FMO2: variants seen among roughly 807,000 people sequenced by gnomAD.
FMO2 encodes the protein flavin-containing monooxygenase 2.
FMO2 carries 33 observed loss-of-function variants against 41.6 expected under a neutral mutation model. That is an observed-to-expected ratio of 0.79 (90% CI 0.60 to 1.06). The LOEUF (loss-of-function observed/expected upper bound fraction) is 1.06. Among genes scored for constraint, FMO2 ranks in the 50% least tolerant of loss-of-function variants. The pLI is 0.00. For synonymous variants in FMO2, 214 were observed against 219.6 expected (o/e 0.97, Z 0.23); for missense variants, 619 against 632.9 (o/e 0.98, Z 0.23).
chr1:171,204,000 A>C lies in FMO2; in HGVS notation c.763A>C (p.Met255Leu), dbSNP rs527420689. 1 of 1,613,732 alleles carries C rather than the reference A, an allele frequency of 6.2e-7. No individual in the cohort carries two copies. The highest frequency in any genetic ancestry group is 1.3e-5 in the African/African-American group (1 of 75,008). ...ACTGCCACGAACAGCTGTAAAATGGATGATAGAACAACAGATGAATCGGTG... is the reference window on the plus strand; with the variant it reads ...ACTGCCACGAACAGCTGTAAAATGGCTGATAGAACAACAGATGAATCGGTG... ...NVLPRTAVKW[M>L]IEQQMNRWFN... The change falls in exon 6 of 9, where the codon ATG (methionine) becomes CTG (leucine). Residue 255 changes from methionine to leucine, a missense_variant. Physicochemically the swap from Met to Leu is conservative, Grantham distance 15 (BLOSUM62 2). Transcript: ENST00000209929.
chr1:171,197,937 C>T (rs914068610), intron 4 of FMO2, among the ~76,000 whole-genome samples: 1 of 152,152 alleles, frequency 6.6e-6, no homozygotes, highest in Non-Finnish European at 1.5e-5. Context: ...AATTGTGTGC[C>T]AGAAGAAATA....
chr1:171,186,036 C>A (rs1657833726), intron 2 of FMO2, 191 bp downstream of exon 2: 4 of 494,074 alleles, frequency 8.1e-6, no homozygotes. Context: ...TAACCCAACC[C>A]AGGTAGCTGA....
chr1:171,196,160 T>C (rs1365925524), intron 3 of FMO2, among the ~76,000 whole-genome samples: 1 of 152,220 alleles, frequency 6.6e-6, no homozygotes, highest in African/African-American at 2.4e-5. Context: ...GTAAACTATT[T>C]GTGTATTCAG....
At chr1:171,192,359 T>C (rs12092242) in intron 2 of FMO2, among the ~76,000 whole-genome samples, 59,192 of 152,010 alleles carry the variant, frequency 0.39, 12,173 homozygotes, top group East Asian at 0.55. Context: ...TTAACAATAA[T>C]ACCATACTAC....
At chr1:171,199,988 A>G (rs1053854723) in intron 5 of FMO2, among the ~76,000 whole-genome samples, 1 of 152,172 alleles carries the variant, frequency 6.6e-6, no homozygotes, top group Non-Finnish European at 1.5e-5. Context: ...AAGTGCTGGG[A>G]TTACAGGCAT....
chr1:171,209,648 A>T lies in FMO2; in HGVS notation c.*503A>T, dbSNP rs1658905082. On this transcript the variant is annotated 3_prime_UTR_variant, in exon 9 of 9. Transcript: ENST00000209929. ...GATCACTCAAAACTACTAGACAAAAAAGTGAGAGGATAGATTTAGAAAACA... is the reference window on the plus strand; with the variant it reads ...GATCACTCAAAACTACTAGACAAAATAGTGAGAGGATAGATTTAGAAAACA... 1 of 152,276 alleles carries T rather than the reference A, an allele frequency of 6.6e-6. No individual in the cohort carries two copies. Among genetic ancestry groups the T allele is most frequent in the African/African-American group, 2.4e-5 (1 of 41,460 alleles). The allele number at this position is 152,276 out of a possible 1,614,324, so 9.4% of individuals were successfully genotyped here.
At position 171,193,360 on chromosome 1, in the gene FMO2, G is replaced by T. The variant is rs770010608; in HGVS notation, c.158G>T (p.Ser53Ile). 1.2e-6 allele frequency: 2 copies of T among 1,609,108 alleles called. No homozygotes were observed. The highest frequency in any genetic ancestry group is 1.7e-6 in the Non-Finnish European group (2 of 1,177,294). ...GAGAATGTGGAAGATGGCCGAGCAA[G>T]TATCTATCAATCTGTCGTTACCAAC... ...FKENVEDGRA[S>I]IYQSVVTNTS... Residue 53 changes from serine to isoleucine, a missense_variant, in exon 3 of 9, where the codon AGT becomes ATT. Coordinates refer to ENST00000209929, the MANE Select transcript of FMO2 (RefSeq NM_001460.5).
rs1267571000 is a variant in FMO2 at position 171,211,912 on chromosome 1, G to C, written c.*2767G>C. Among the ~76,000 whole-genome samples the C allele has an allele frequency of 6.6e-6, 1 of 152,146 alleles. No homozygotes were observed. Among genetic ancestry groups the C allele is most frequent in the African/African-American group, 2.4e-5 (1 of 41,430 alleles). On this transcript the variant is annotated 3_prime_UTR_variant, in exon 9 of 9. Coordinates refer to ENST00000209929, the MANE Select transcript of FMO2 (RefSeq NM_001460.5). Reference sequence around the variant, plus strand: ...TTCATAAGCTCCCCAGATGATTCCTGTGTACATTAAATCTAGAAACCATTA... The same window carrying C: ...TTCATAAGCTCCCCAGATGATTCCTCTGTACATTAAATCTAGAAACCATTA...
rs780375559 is a variant in FMO2 at position 171,199,392 on chromosome 1, G to A, written c.531G>A (p.Lys177=). Residue 177 remains lysine, a synonymous_variant, in exon 5 of 9, where the codon AAG becomes AAA. Transcript: ENST00000209929. ...AATATTTCCATAGCCGCCAATACAA[G>A]CATCCAGATGGATTTGAGGGAAAAC... The part of the protein sequence containing the change: ...KGQYFHSRQY[K]HPDGFEGKRI... The A allele has an allele frequency of 2.5e-6, 4 of 1,611,508 alleles. No homozygotes were observed. The highest frequency in any genetic ancestry group is 3.4e-6 in the Non-Finnish European group (4 of 1,178,960).
At chr1:171,202,322 T>C (rs1658569679) in intron 5 of FMO2, among the ~76,000 whole-genome samples, 1 of 152,168 alleles carries the variant, frequency 6.6e-6, no homozygotes, top group Non-Finnish European at 1.5e-5. Context: ...AGTCAGCCTA[T>C]AAGGGCAACG....
intron 2 of FMO2, among the ~76,000 whole-genome samples, chr1:171,187,881 C>T (rs1426665950): frequency 6.6e-6 from 1 of 152,088 alleles, no homozygotes; most frequent in African/African-American, 2.4e-5. Flanking sequence ...AAAAGGAAAA[C>T]AGCTTAAATC....
chr1:171,194,200 G>A (rs1658211378), intron 3 of FMO2, among the ~76,000 whole-genome samples: 1 of 152,072 alleles, frequency 6.6e-6, no homozygotes, highest in Non-Finnish European at 1.5e-5. Flanking sequence ...CATAGAAATG[G>A]GATTTCTTAG....
At chr1:171,194,815 A>T (rs1403471706) in intron 3 of FMO2, among the ~76,000 whole-genome samples, 6 of 152,154 alleles carry the variant, frequency 3.9e-5, no homozygotes, top group Admixed American at 3.9e-4. Context: ...TATTTTTAAT[A>T]CATGTCATTT....
In FMO2 at chr1:171,205,478, G is replaced by A. The variant is rs756113906; in HGVS notation, c.1027G>A (p.Val343Ile). Residue 343 changes from valine (V) to isoleucine (I), a missense_variant, in exon 7 of 9, where the codon GTT becomes ATT. Val to Ile is a conservative substitution (Grantham distance 29). Coordinates refer to ENST00000209929, the MANE Select transcript of FMO2 (RefSeq NM_001460.5). Reference sequence around the variant, plus strand: ...TTTTCCCTTCCTTGAAGATTCACTCGTTAAAGTAGAGAATAATATGGTCTC... The same window carrying A: ...TTTTCCCTTCCTTGAAGATTCACTCATTAAAGTAGAGAATAATATGGTCTC... Reference protein sequence around the residue: ...FSFPFLEDSLVKVENNMVSLY... With the variant: ...FSFPFLEDSLIKVENNMVSLY... 2.4e-5 allele frequency: 39 copies of A among 1,613,568 alleles called. No individual in the cohort carries two copies. The highest frequency in any genetic ancestry group is 5.3e-5 in the African/African-American group (4 of 74,868).
intron 7 of FMO2, among the ~76,000 whole-genome samples, chr1:171,206,369 G>A (rs1198423048): frequency 6.6e-6 from 1 of 152,130 alleles, no homozygotes; most frequent in Non-Finnish European, 1.5e-5. Flanking sequence ...GGCAGAAAAG[G>A]GGATTGCCTG....
At chr1:171,189,151 A>G (rs1657972468) in intron 2 of FMO2, among the ~76,000 whole-genome samples, 2 of 152,108 alleles carry the variant, frequency 1.3e-5, no homozygotes, top group South Asian at 4.1e-4. Context: ...TCAGCCGCTA[A>G]CCTTCTCTGT....
In FMO2 at chr1:171,185,698, T is replaced by C; in HGVS notation, c.-6-10T>C. On this transcript the variant is annotated splice_polypyrimidine_tract_variant and intron_variant, in intron 1 of 8. Coordinates refer to ENST00000209929, the MANE Select transcript of FMO2 (RefSeq NM_001460.5). ...AGTTAAGTAATGTTGATTGATCAAC[T>C]CCTTGACAGGAGCTGATGGCAAAGA... 6.2e-7 allele frequency: 1 copy of C among 1,613,602 alleles called. No individual in the cohort carries two copies. The highest frequency in any genetic ancestry group is 8.5e-7 in the Non-Finnish European group (1 of 1,179,576).
intron 5 of FMO2, among the ~76,000 whole-genome samples, chr1:171,201,334 C>T (rs1296365674): frequency 6.6e-6 from 1 of 152,092 alleles, no homozygotes; most frequent in Non-Finnish European, 1.5e-5. Flanking sequence ...TCATACATTT[C>T]CAGGATTATA....
At chr1:171,189,654 C>CTTTTTTTTTTTTTTTTTTTTT (rs199536748) in intron 2 of FMO2, among the ~76,000 whole-genome samples, 3 of 122,774 alleles carry the variant, frequency 2.4e-5, no homozygotes, top group Admixed American at 9.3e-5. Flanking sequence ...CGTCTTTTTT[C>CTTTTTTTTTTTTTTTTTTTTT]TTTTCTTTTT....
Sources: allele counts gnomAD v4.1 joint callset (sites outside exome capture counted in the v4.1 genomes callset), GRCh38; gene constraint gnomAD v4.1.1; transcripts MANE v1.5; gene names NCBI Gene and HGNC (gene_info 2026-07-23, HGNC 2026-07-21).